The following USP10 variants were observed in gnomAD, a reference collection of about 807,000 sequenced individuals.
USP10 encodes the protein ubiquitin carboxyl-terminal hydrolase 10.
USP10 carries 22 observed loss-of-function variants against 84.5 expected under a neutral mutation model. The observed-to-expected ratio is 0.26, with a 90% confidence interval of 0.19 to 0.37. USP10 has a LOEUF of 0.37. USP10 is among the 10% of genes least tolerant of loss of function. USP10 has a pLI of 1.00. For missense variants in USP10, 1,019 were observed against 998.9 expected (o/e 1.02, Z -0.27); for synonymous variants, 454 against 387.6 (o/e 1.17, Z -2.01).
chr16:84,749,220 C>T (rs1205181464), intron 4 of USP10, among the ~76,000 whole-genome samples: 1 of 152,144 alleles, frequency 6.6e-6, no homozygotes, highest in Admixed American at 6.5e-5. Context: ...GTAAAACATA[C>T]TCAGTTTGTT....
intron 1 of USP10, among the ~76,000 whole-genome samples, chr16:84,703,639 A>T (rs2150750590): frequency 6.6e-6 from 1 of 152,358 alleles, no homozygotes; most frequent in Non-Finnish European, 1.5e-5. Flanking sequence ...GGGCATTTGG[A>T]GATAACAGTT....
Position 84,716,512 on chromosome 16 carries a change from G to C in USP10, c.21+16401G>C, listed in dbSNP as rs1001954332. ...AAGGAGATAACAGTTCATTCACAGA[G>C]ACATAGGTAAATGAGAATTACTATG... On this transcript the variant is annotated intron_variant, in intron 1 of 13. Transcript: ENST00000219473. 6.6e-5 allele frequency: 10 copies of C among 152,320 alleles called. 1 individual carries two copies. The highest frequency in any genetic ancestry group is 5.2e-4 in the Admixed American group (8 of 15,304). The allele number at this position is 152,320 out of a possible 1,614,324, so 9.4% of individuals were successfully genotyped here. A position where few individuals can be genotyped will look rare whatever the true frequency, so the allele number is the denominator to read the frequency against.
At chr16:84,747,058 G>T (rs543943323) in intron 4 of USP10, among the ~76,000 whole-genome samples, 1 of 152,236 alleles carries the variant, frequency 6.6e-6, no homozygotes, top group Non-Finnish European at 1.5e-5. Context: ...GGACGTTTCA[G>T]TTCCACTAGA....
chr16:84,772,302 C>T (rs777887378), intron 11 of USP10, among the ~76,000 whole-genome samples: 9 of 152,160 alleles, frequency 5.9e-5, no homozygotes, highest in Admixed American at 3.3e-4. Context: ...CCGCCTGTCT[C>T]AGCCTCCCAA....
intron 1 of USP10, among the ~76,000 whole-genome samples, chr16:84,700,883 T>G (rs1904779186): frequency 6.6e-6 from 1 of 152,076 alleles, no homozygotes; most frequent in Non-Finnish European, 1.5e-5. Context: ...TAAGCTCTTA[T>G]TCCCCTCTCC....
At chr16:84,772,863 G>T (rs981705612) in intron 12 of USP10, among the ~76,000 whole-genome samples, 178 bp downstream of exon 12, 3 of 152,076 alleles carry the variant, frequency 2.0e-5, no homozygotes, top group African/African-American at 2.4e-5. Context: ...CATGAAAATG[G>T]CCTGTTGAAA....
At chr16:84,760,432 A>G (rs918848633) in intron 8 of USP10, among the ~76,000 whole-genome samples, 157 bp downstream of exon 8, 3 of 152,244 alleles carry the variant, frequency 2.0e-5, no homozygotes, top group African/African-American at 7.2e-5. Flanking sequence ...TGGTGCACCA[A>G]GCACTGCTCT....
intron 10 of USP10, among the ~76,000 whole-genome samples, chr16:84,765,598 G>A (rs1913764584): frequency 6.6e-6 from 1 of 151,886 alleles, no homozygotes; most frequent in Non-Finnish European, 1.5e-5. Flanking sequence ...GTGGCAAATG[G>A]CAGGGTCTTT....
At chr16:84,777,815 C>T (rs1301200700) in intron 13 of USP10, among the ~76,000 whole-genome samples, 2 of 152,236 alleles carry the variant, frequency 1.3e-5, no homozygotes, top group Non-Finnish European at 2.9e-5. Context: ...CCAGCCAAGT[C>T]TTGCATCTCT....
intron 1 of USP10, among the ~76,000 whole-genome samples, chr16:84,723,598 C>G (rs576191853): frequency 6.6e-6 from 1 of 152,130 alleles, no homozygotes; most frequent in Non-Finnish European, 1.5e-5. Context: ...TTTTCATCTT[C>G]CTCTTCCTGA....
intron 1 of USP10, among the ~76,000 whole-genome samples, chr16:84,710,866 A>G (rs932853230): frequency 6.6e-6 from 1 of 152,072 alleles, no homozygotes; most frequent in Non-Finnish European, 1.5e-5. Flanking sequence ...GGTCGTCCGC[A>G]TGGGTTTGTG....
chr16:84,700,048 T>C lies in USP10; in HGVS notation c.-43T>C. 1 of 1,358,696 alleles carries C rather than the reference T, an allele frequency of 7.4e-7. No individual in the cohort carries two copies. The highest frequency in any genetic ancestry group is 1.4e-5 in the South Asian group (1 of 73,342). 84.2% of individuals were successfully genotyped at this position (1,358,696 alleles called of 1,614,324 possible). ...GATGGCGGCGGCGGGGGAAGCAGCG[T>C]GAGCAGCCGGAGGATCGCGGAGTCC... On this transcript the variant is annotated 5_prime_UTR_variant, in exon 1 of 14. It removes the in-frame stop codon of an upstream open reading frame in the 5' UTR. Coordinates refer to ENST00000219473, the MANE Select transcript of USP10 (RefSeq NM_005153.3).
intron 4 of USP10, among the ~76,000 whole-genome samples, chr16:84,753,823 G>A (rs1912214384): frequency 6.6e-6 from 1 of 152,202 alleles, no homozygotes; most frequent in African/African-American, 2.4e-5. Flanking sequence ...AGAACTTACT[G>A]TATGCCATGC....
At chr16:84,764,395 T>G in intron 10 of USP10, 132 bp downstream of exon 10, 2 of 1,243,564 alleles carry the variant, frequency 1.6e-6, no homozygotes, top group Non-Finnish European at 2.3e-6. Flanking sequence ...CCCTGCCTGC[T>G]CTTCTCTTGC....
intron 1 of USP10, among the ~76,000 whole-genome samples, chr16:84,731,349 G>T (rs1026603482): frequency 1.3e-5 from 2 of 151,574 alleles, no homozygotes; most frequent in Admixed American, 6.6e-5. Flanking sequence ...GCACAGAGTA[G>T]CCACGTTTCT....
intron 4 of USP10, among the ~76,000 whole-genome samples, chr16:84,748,204 A>G (rs979850003): frequency 2.7e-5 from 4 of 150,632 alleles, no homozygotes; most frequent in Non-Finnish European, 5.9e-5. Flanking sequence ...CTTTATATAG[A>G]TTACTAAGTT....
intron 1 of USP10, among the ~76,000 whole-genome samples, chr16:84,706,494 G>A (rs865784108): frequency 3.4e-5 from 5 of 147,298 alleles, no homozygotes; most frequent in Non-Finnish European, 7.5e-5. Context: ...GTATTTATTT[G>A]TATATGTATT....
intron 1 of USP10, among the ~76,000 whole-genome samples, chr16:84,701,894 A>G (rs1305465256): frequency 6.6e-6 from 1 of 151,460 alleles, no homozygotes; most frequent in Non-Finnish European, 1.5e-5. Flanking sequence ...AGCATGGAGA[A>G]AGTAGCAAAG....
At chr16:84,703,526 A>T (rs72797563) in intron 1 of USP10, among the ~76,000 whole-genome samples, 1 of 152,230 alleles carries the variant, frequency 6.6e-6, no homozygotes, top group Non-Finnish European at 1.5e-5. Context: ...ATCTGTTTCT[A>T]GCCAACAGCT....
Sources: allele counts gnomAD v4.1 joint callset (sites outside exome capture counted in the v4.1 genomes callset), GRCh38; gene constraint gnomAD v4.1.1; transcripts MANE v1.5; gene names NCBI Gene and HGNC (gene_info 2026-07-23, HGNC 2026-07-21).